TOX: variants seen among roughly 807,000 people sequenced by gnomAD.
TOX encodes the protein thymocyte selection associated high mobility group box, also known as thymocyte selection-associated high mobility group box protein TOX.
Under a neutral mutation model 53.7 loss-of-function variants are expected in TOX, and 11 were observed. The ratio of observed to expected loss-of-function variants is 0.20; its 90% CI spans 0.13 to 0.34. The LOEUF (loss-of-function observed/expected upper bound fraction) is 0.34. Ranked by LOEUF, TOX falls within the 10% of genes least tolerant of loss-of-function variation. The pLI is 1.00. For missense variants in TOX, 570 were observed against 664.6 expected, an observed-to-expected ratio of 0.86 and a Z score of 1.56; for synonymous variants, 225 against 245.3, an observed-to-expected ratio of 0.92 and a Z score of 0.77.
At chr8:59,007,903 C>G (rs1359446568) in intron 1 of TOX, among the ~76,000 whole-genome samples, 2 of 152,180 alleles carry the variant, frequency 1.3e-5, no homozygotes, top group Non-Finnish European at 2.9e-5. Flanking sequence ...CACTGATAAC[C>G]TGATTGAGGA....
At chr8:58,816,154 T>C (rs1181391212) in intron 6 of TOX, among the ~76,000 whole-genome samples, 1 of 152,180 alleles carries the variant, frequency 6.6e-6, no homozygotes, top group Non-Finnish European at 1.5e-5. Context: ...TTTTCCTTTT[T>C]TATATTCTCA....
At chr8:58,905,208 G>A (rs1251885536) in intron 3 of TOX, among the ~76,000 whole-genome samples, 1 of 152,188 alleles carries the variant, frequency 6.6e-6, no homozygotes, top group Admixed American at 6.5e-5. Context: ...TGGGATTACA[G>A]GTGTGAGCCA....
At position 58,807,076 on chromosome 8, in the gene TOX, AGTTTC is replaced by A; in HGVS notation, c.*666_*670del. 6.5e-6 allele frequency: 1 copy of A among 152,746 alleles called. No homozygotes were observed. 9.5% of individuals were successfully genotyped at this position (152,746 alleles called of 1,614,324 possible). ...ATGTGTTTGCGCTTCCCTTAATACTAGTTTCTTTTTGTCTGATCAATGAGACAAAG... is the reference window on the plus strand; with the variant it reads ...ATGTGTTTGCGCTTCCCTTAATACTATTTTTGTCTGATCAATGAGACAAAG... On this transcript the variant is annotated 3_prime_UTR_variant, in exon 9 of 9. Transcript: ENST00000361421.
intron 1 of TOX, among the ~76,000 whole-genome samples, chr8:59,060,614 G>A (rs192189075): frequency 3.2e-4 from 48 of 152,264 alleles, no homozygotes; most frequent in South Asian, 1.2e-3. Flanking sequence ...GTGACAGAGC[G>A]AGACTTCATC....
At chr8:58,914,388 G>C (rs1246397854) in intron 3 of TOX, among the ~76,000 whole-genome samples, 1 of 152,210 alleles carries the variant, frequency 6.6e-6, no homozygotes, top group Admixed American at 6.5e-5. Context: ...TCCTTTTGCA[G>C]TATGCTTTTA....
chr8:59,094,527 T>C (rs1804680562), intron 1 of TOX, among the ~76,000 whole-genome samples: 1 of 151,826 alleles, frequency 6.6e-6, no homozygotes, highest in African/African-American at 2.4e-5. Context: ...AGGTATTACA[T>C]AATTACTGTT....
intron 2 of TOX, among the ~76,000 whole-genome samples, chr8:58,942,684 G>A (rs1371777548): frequency 6.6e-6 from 1 of 151,960 alleles, no homozygotes; most frequent in East Asian, 1.9e-4. Context: ...GCTTTATTTT[G>A]ATTTTTAAAA....
intron 2 of TOX, among the ~76,000 whole-genome samples, chr8:58,956,498 T>C (rs1812709598): frequency 6.6e-6 from 1 of 152,232 alleles, no homozygotes; most frequent in Non-Finnish European, 1.5e-5. Context: ...ACAGTTAATA[T>C]AGTGAAGCAA....
At chr8:58,880,518 G>A (rs1811365921) in intron 3 of TOX, among the ~76,000 whole-genome samples, 1 of 152,204 alleles carries the variant, frequency 6.6e-6, no homozygotes, top group Non-Finnish European at 1.5e-5. Flanking sequence ...AGACCAGAGT[G>A]GCGGGCAGCT....
intron 1 of TOX, among the ~76,000 whole-genome samples, chr8:59,004,343 G>A (rs1192236060): frequency 6.6e-6 from 1 of 152,178 alleles, no homozygotes; most frequent in Non-Finnish European, 1.5e-5. Flanking sequence ...ACTCCAGTCA[G>A]TAGCAATTTT....
At chr8:59,025,470 A>C (rs1814217496) in intron 1 of TOX, among the ~76,000 whole-genome samples, 1 of 100,334 alleles carries the variant, frequency 1.0e-5, no homozygotes, top group Non-Finnish European at 2.8e-5. Context: ...TAAAGTAAGC[A>C]GCAAAGTTTA....
intron 3 of TOX, among the ~76,000 whole-genome samples, chr8:58,859,167 A>G: frequency 6.6e-6 from 1 of 152,246 alleles, no homozygotes; most frequent in Non-Finnish European, 1.5e-5. Context: ...AATAAACTTT[A>G]TTTTAAGATT....
intron 3 of TOX, among the ~76,000 whole-genome samples, chr8:58,923,980 G>A (rs1161097521): frequency 6.6e-6 from 1 of 152,114 alleles, no homozygotes; most frequent in African/African-American, 2.4e-5. Context: ...GTTCAGTTTG[G>A]GAATCAACTT....
At chr8:58,889,212 C>CAAAAAAAAAAAAAAAAA in intron 3 of TOX, among the ~76,000 whole-genome samples, 1 of 114,444 alleles carries the variant, frequency 8.7e-6, no homozygotes, top group Non-Finnish European at 1.8e-5. Flanking sequence ...TTTACAATAG[C>CAAAAAAAAAAAAAAAAA]AAAAAAAAAA....
At chr8:59,008,671 C>T (rs755549483) in intron 1 of TOX, among the ~76,000 whole-genome samples, 12 of 152,132 alleles carry the variant, frequency 7.9e-5, no homozygotes, top group Non-Finnish European at 1.2e-4. Flanking sequence ...GGTTCAATGG[C>T]GGTGACACTT....
At chr8:58,961,981 C>T (rs758493559) in intron 1 of TOX, among the ~76,000 whole-genome samples, 3 of 152,124 alleles carry the variant, frequency 2.0e-5, no homozygotes, top group Non-Finnish European at 4.4e-5. Context: ...GCCAAGGAAC[C>T]GTTTAAAATA....
chr8:58,832,132 TATATATAATATATGTA>T (rs1178783740), intron 5 of TOX, among the ~76,000 whole-genome samples: 30 of 147,056 alleles, frequency 2.0e-4, no homozygotes, highest in South Asian at 4.2e-4. Context: ...ATATATGTAA[TATATATAATATATGTA>T]ATATATAATA....
chr8:58,874,359 G>T (rs1811250608), intron 3 of TOX, among the ~76,000 whole-genome samples: 1 of 152,066 alleles, frequency 6.6e-6, no homozygotes, highest in African/African-American at 2.4e-5. Flanking sequence ...GAGATGTTTT[G>T]AGTGTGTGTG....
chr8:58,966,871 TTC>T (rs1347162150), intron 1 of TOX, among the ~76,000 whole-genome samples: 1 of 136,420 alleles, frequency 7.3e-6, no homozygotes, highest in Non-Finnish European at 1.6e-5. Flanking sequence ...ATTCAAGTTA[TTC>T]TTTTTTTTTT....
Sources: allele counts gnomAD v4.1 joint callset (sites outside exome capture counted in the v4.1 genomes callset), GRCh38; gene constraint gnomAD v4.1.1; transcripts MANE v1.5; gene names NCBI Gene and HGNC (gene_info 2026-07-23, HGNC 2026-07-21).